The following CTBP2 variants were observed in gnomAD, a reference collection of about 807,000 sequenced individuals.
CTBP2 encodes C-terminal binding protein 2, also known as C-terminal-binding protein 2.
In CTBP2, 30 loss-of-function variants were observed where a neutral mutation model predicts 80.3. The ratio of observed to expected loss-of-function variants is 0.37; its 90% CI spans 0.28 to 0.51. The LOEUF is 0.51. Ranked by LOEUF, CTBP2 falls within the 20% of genes least tolerant of loss-of-function variation. The probability of loss-of-function intolerance (pLI) is 0.93; values close to 1 mark genes in which losing one functional copy is unlikely to be tolerated. For missense variants in CTBP2, 1,212 were observed against 1,375.3 expected (o/e 0.88, Z 1.88); for synonymous variants, 594 against 587.4 (o/e 1.01, Z -0.16).
chr10:125,070,584 AATG>A (rs1316784060), intron 2 of CTBP2, among the ~76,000 whole-genome samples: 1 of 149,510 alleles, frequency 6.7e-6, no homozygotes, highest in African/African-American at 2.4e-5. Context: ...TAATAATAAT[AATG>A]ATTACCAATT....
chr10:125,157,067 G>A (rs1218196462), intron 1 of CTBP2, among the ~76,000 whole-genome samples: 1 of 152,184 alleles, frequency 6.6e-6, no homozygotes, highest in African/African-American at 2.4e-5. Context: ...AATGGCAGTA[G>A]TGTTTGTTTT....
intron 1 of CTBP2, among the ~76,000 whole-genome samples, chr10:125,129,498 T>C (rs1340302229): frequency 6.6e-6 from 1 of 151,894 alleles, no homozygotes; most frequent in Non-Finnish European, 1.5e-5. Context: ...GTGCTCCAGG[T>C]GAAGATCTGA....
intron 2 of CTBP2, among the ~76,000 whole-genome samples, chr10:125,059,751 C>T (rs1443651199): frequency 6.6e-6 from 1 of 152,176 alleles, no homozygotes; most frequent in Admixed American, 6.5e-5. Flanking sequence ...AGTGTGCTGC[C>T]CCTCTCGCCC....
intron 1 of CTBP2, among the ~76,000 whole-genome samples, chr10:125,129,953 C>T (rs1855881083): frequency 6.6e-6 from 1 of 152,158 alleles, no homozygotes; most frequent in Admixed American, 6.5e-5. Flanking sequence ...GAAGAAAACC[C>T]CAGGACAATG....
chr10:125,023,961 C>T (rs1957301922), intron 1 of CTBP2, among the ~76,000 whole-genome samples: 1 of 152,168 alleles, frequency 6.6e-6, no homozygotes, highest in Admixed American at 6.5e-5. Flanking sequence ...TAGGCGGCAC[C>T]AGAACGAAGA....
intron 6 of CTBP2, among the ~76,000 whole-genome samples, 189 bp from the exon 9 acceptor site, chr10:124,993,518 C>A (rs1008847264): frequency 1.3e-5 from 2 of 152,068 alleles, no homozygotes; most frequent in Non-Finnish European, 2.9e-5. Context: ...TGTGTAAGAA[C>A]CGTATAATTG....
chr10:125,158,651 A>G (rs1235576647), intron 1 of CTBP2: 1 of 152,222 alleles, frequency 6.6e-6, no homozygotes, highest in Non-Finnish European at 1.5e-5. Context: ...CAGGGCAAGG[A>G]AGCCCGGTAT....
intron 1 of CTBP2, among the ~76,000 whole-genome samples, chr10:125,152,210 G>T (rs561472512): frequency 6.6e-6 from 1 of 152,130 alleles, no homozygotes; most frequent in Admixed American, 6.5e-5. Context: ...CTTCACCTGG[G>T]GCTCGGGAGC....
intron 1 of CTBP2, among the ~76,000 whole-genome samples, chr10:125,127,453 C>T (rs554081441): frequency 5.3e-5 from 8 of 152,314 alleles, no homozygotes; most frequent in Middle Eastern, 3.4e-3. Context: ...TTCTCTCAAA[C>T]GCCTATCAAA....
chr10:125,056,759 G>A (rs1964026849), intron 2 of CTBP2, among the ~76,000 whole-genome samples: 1 of 152,182 alleles, frequency 6.6e-6, no homozygotes, highest in Admixed American at 6.5e-5. Context: ...GTGGCCTTAG[G>A]ACCTCCAACT....
Position 124,994,584 on chromosome 10 carries a change from C to T in CTBP2, c.2285G>A (p.Gly762Asp), listed in dbSNP as rs1284462004. Residue 762 changes from glycine to aspartate, a missense_variant, in exon 5 of 9, where the codon GGC becomes GAC. Transcript: ENST00000309035. Reference sequence around the variant, plus strand: ...CTGCAGGGTGTAGACCCTCTGCACGCCCAGGGACCGCTCGATCCCATCCTG... The same window carrying T: ...CTGCAGGGTGTAGACCCTCTGCACGTCCAGGGACCGCTCGATCCCATCCTG... 1 of 1,614,038 alleles carries T rather than the reference C, an allele frequency of 6.2e-7. No homozygotes were observed. Among genetic ancestry groups the T allele is most frequent in the East Asian group, 2.2e-5 (1 of 44,888 alleles).
chr10:125,021,080 AG>A (rs1469921075), intron 1 of CTBP2, among the ~76,000 whole-genome samples: 1 of 152,086 alleles, frequency 6.6e-6, no homozygotes, highest in Non-Finnish European at 1.5e-5. Flanking sequence ...ACGGGGTCAG[AG>A]GAAGTGCTGT....
intron 2 of CTBP2, among the ~76,000 whole-genome samples, chr10:125,087,148 C>A (rs1334699170): frequency 1.3e-5 from 2 of 151,034 alleles, no homozygotes; most frequent in African/African-American, 2.4e-5. Flanking sequence ...GATCTCAGCT[C>A]CCTGCAACTT....
chr10:125,106,234 G>A (rs1198256631), intron 2 of CTBP2, among the ~76,000 whole-genome samples: 1 of 148,084 alleles, frequency 6.8e-6, no homozygotes, highest in African/African-American at 2.6e-5. Flanking sequence ...TGGACCAAGT[G>A]CTCTTCCTCC....
chr10:124,997,607 C>T (rs1589949049), intron 4 of CTBP2: 3 of 299,796 alleles, frequency 1.0e-5, no homozygotes, highest in Non-Finnish European at 1.9e-5. Context: ...AGCCCCAAGC[C>T]TGGCTGCTGC....
At position 124,998,575 on chromosome 10, in the gene CTBP2, C is replaced by T. The variant is rs1024253093; in HGVS notation, c.1979-405G>A. The T allele has an allele frequency of 1.6e-5, 4 of 257,600 alleles. No individual in the cohort carries two copies. In the South Asian group the frequency reaches 1.9e-4, roughly 12 times the overall value. 16.0% of individuals were successfully genotyped at this position (257,600 alleles called of 1,614,324 possible). A position where few individuals can be genotyped will look rare whatever the true frequency, so the allele number is the denominator to read the frequency against. ...CAGCCTCAAACCCCTCAGGGTCTCC[C>T]TCATGGAGCTGGCAGGGTGACAAAG... On this transcript the variant is annotated intron_variant, in intron 3 of 8. Transcript: ENST00000309035.
intron 2 of CTBP2, among the ~76,000 whole-genome samples, chr10:125,092,606 G>A (rs142129363): frequency 6.6e-6 from 1 of 152,278 alleles, no homozygotes; most frequent in African/African-American, 2.4e-5. Context: ...CACACACACG[G>A]GCATGGCGGC....
At chr10:125,123,433 C>T (rs75132258) in intron 1 of CTBP2, among the ~76,000 whole-genome samples, 13,231 of 152,238 alleles carry the variant, frequency 0.087, 723 homozygotes, top group South Asian at 0.14. Flanking sequence ...GTTTAAGGGA[C>T]CTCCTGTATT....
At chr10:125,045,000 G>C (rs1389135093) in intron 2 of CTBP2, among the ~76,000 whole-genome samples, 1 of 152,174 alleles carries the variant, frequency 6.6e-6, no homozygotes, top group South Asian at 2.1e-4. Context: ...GCTATGGACC[G>C]AATGCTTGTG....
Sources: gnomAD v4.1 joint callset for allele counts (sites outside exome capture counted in the v4.1 genomes callset) on GRCh38, gnomAD v4.1.1 for gene constraint, MANE v1.5 for transcripts, NCBI Gene and HGNC (gene_info 2026-07-23, HGNC 2026-07-21) for gene names.